OR51E2: variants seen among roughly 807,000 people sequenced by gnomAD.
OR51E2 encodes the protein olfactory receptor 51E2.
A neutral mutation model predicts 13.7 loss-of-function variants in OR51E2; 14 were observed. That is an observed-to-expected ratio of 1.02 (90% confidence interval 0.68 to 1.60). The LOEUF is 1.60. Among genes scored for constraint, OR51E2 ranks in the 40% most tolerant of loss-of-function variants. The pLI is 0.00. For missense variants in OR51E2, 483 were observed against 413.8 expected (o/e 1.17, Z -1.45); for synonymous variants, 180 against 157.6 (o/e 1.14, Z -1.07).
intron 1 of OR51E2, among the ~76,000 whole-genome samples, chr11:4,685,501 G>T (rs1314130026): frequency 1.3e-5 from 2 of 152,140 alleles, no homozygotes; most frequent in African/African-American, 4.8e-5. Context: ...CAAAAGTATA[G>T]TTCCATAATT....
intron 1 of OR51E2, chr11:4,691,567 G>T (rs1465883121): frequency 2.2e-6 from 1 of 456,984 alleles, no homozygotes; most frequent in African/African-American, 2.0e-5. Flanking sequence ...AAGAGGATCA[G>T]GCTGTTTCCC....
chr11:4,697,570 G>T (rs779715810), intron 1 of OR51E2, 83 bp downstream of exon 1: 2 of 152,636 alleles, frequency 1.3e-5, no homozygotes, highest in Admixed American at 1.3e-4. Flanking sequence ...TCTGCACATT[G>T]TGAGGAAATT....
intron 1 of OR51E2, among the ~76,000 whole-genome samples, chr11:4,689,035 G>C (rs1163712942): frequency 6.6e-6 from 1 of 152,260 alleles, no homozygotes; most frequent in South Asian, 2.1e-4. Context: ...GGATAAGTCT[G>C]AACTACAAAT....
chr11:4,688,327 G>A (rs986604050), intron 1 of OR51E2, among the ~76,000 whole-genome samples: 1 of 152,120 alleles, frequency 6.6e-6, no homozygotes, highest in Non-Finnish European at 1.5e-5. Flanking sequence ...AAAGTGAGGT[G>A]TAAGTCACGT....
intron 1 of OR51E2, among the ~76,000 whole-genome samples, chr11:4,687,779 A>G (rs1847532552): frequency 6.6e-6 from 1 of 152,200 alleles, no homozygotes; most frequent in African/African-American, 2.4e-5. Context: ...GAGAAGAACA[A>G]GGTGCTGTAG....
chr11:4,687,041 A>G (rs1847524931), intron 1 of OR51E2, among the ~76,000 whole-genome samples: 1 of 152,084 alleles, frequency 6.6e-6, no homozygotes, highest in Non-Finnish European at 1.5e-5. Flanking sequence ...GACTTTGAGT[A>G]TCTCCATCCT....
intron 1 of OR51E2, among the ~76,000 whole-genome samples, chr11:4,697,108 A>G (rs1847664528): frequency 6.6e-6 from 1 of 152,254 alleles, no homozygotes; most frequent in African/African-American, 2.4e-5. Context: ...TCTGGTAAAG[A>G]CACTGAGTAT....
chr11:4,696,641 T>A (rs573232987), intron 1 of OR51E2, among the ~76,000 whole-genome samples: 1 of 152,332 alleles, frequency 6.6e-6, no homozygotes, highest in South Asian at 2.1e-4. Context: ...GCTTCTCTTT[T>A]GTGCTGCCTT....
Position 4,681,965 on chromosome 11 carries a change from G to A in OR51E2, c.747C>T (p.Ala249=), listed in dbSNP as rs1454777712. 1 of 1,614,106 alleles carries A rather than the reference G, an allele frequency of 6.2e-7. No individual in the cohort carries two copies. The highest frequency in any genetic ancestry group is 1.6e-4 in the Middle Eastern group (1 of 6,062). Residue 249 remains alanine (A), a synonymous_variant, in exon 2 of 2, where the codon GCC becomes GCT. Coordinates refer to ENST00000396950, the MANE Select transcript of OR51E2 (RefSeq NM_030774.4). The stretch of plus-strand genomic sequence containing the variant: ...AGAGGCCAATAAGTGGCACATAGAA[G>A]GCGAGTACCACACCAATGTGTGACA... The part of the protein sequence containing the change: ...TCVSHIGVVL[A]FYVPLIGLSV...
chr11:4,689,000 T>A (rs1847547633), intron 1 of OR51E2, among the ~76,000 whole-genome samples: 1 of 152,156 alleles, frequency 6.6e-6, no homozygotes, highest in Admixed American at 6.5e-5. Context: ...AACATTCAAG[T>A]AGTGATATTG....
chr11:4,695,200 C>G (rs1018907172), intron 1 of OR51E2, among the ~76,000 whole-genome samples: 1 of 152,112 alleles, frequency 6.6e-6, no homozygotes, highest in Admixed American at 6.5e-5. Context: ...TTTTATTCAC[C>G]TTTTATTGAC....
intron 1 of OR51E2, among the ~76,000 whole-genome samples, chr11:4,689,070 G>C (rs1392161826): frequency 6.6e-6 from 1 of 152,200 alleles, no homozygotes; most frequent in East Asian, 1.9e-4. Flanking sequence ...TGTCAGCATA[G>C]AGATGGTACT....
At chr11:4,686,532 C>A (rs1223289739) in intron 1 of OR51E2, among the ~76,000 whole-genome samples, 1 of 152,152 alleles carries the variant, frequency 6.6e-6, no homozygotes, top group Non-Finnish European at 1.5e-5. Context: ...ATTCCAGAAG[C>A]TGTTGGGAGG....
chr11:4,691,143 A>G (rs1197564021), intron 1 of OR51E2: 2 of 456,608 alleles, frequency 4.4e-6, no homozygotes, highest in Admixed American at 4.7e-5. Flanking sequence ...TGAGAGCTTC[A>G]TCACATCAGG....
Position 4,694,063 on chromosome 11 carries a change from T to C in OR51E2, c.-51+3590A>G, listed in dbSNP as rs147854375. On this transcript the variant is annotated intron_variant, in intron 1 of 1. Coordinates refer to ENST00000396950, the MANE Select transcript of OR51E2 (RefSeq NM_030774.4). ...AATATCTGAGTTGTAATTTTTGTCATTGTGTTGTAGGACATTTTATGTAAC... is the reference window on the plus strand; with the variant it reads ...AATATCTGAGTTGTAATTTTTGTCACTGTGTTGTAGGACATTTTATGTAAC... Among the ~76,000 whole-genome samples, 899 of 152,346 alleles carry C rather than the reference T, an allele frequency of 5.9e-3. 4 individuals are homozygous for C. The highest frequency in any genetic ancestry group is 0.011 in the Admixed American group (169 of 15,308).
rs1256053005 is a variant in OR51E2, at chr11:4,687,272, A to C, written c.-50-4511T>G. Among the ~76,000 whole-genome samples the C allele has an allele frequency of 4.6e-5, 7 of 152,186 alleles. No individual in the cohort carries two copies. In the East Asian group the frequency reaches 1.3e-3, roughly 29 times the overall value. On this transcript the variant is annotated intron_variant, in intron 1 of 1. Coordinates refer to ENST00000396950, the MANE Select transcript of OR51E2 (RefSeq NM_030774.4). The stretch of plus-strand genomic sequence containing the variant: ...TTAGGGAATAGAAGGGGAAAGAAAT[A>C]TGTAGAAATAAACTGGCAGTTTATT...
rs1269002342 is a variant in OR51E2, at chr11:4,682,738, A to C, written c.-27T>G. On this transcript the variant is annotated 5_prime_UTR_variant, in exon 2 of 2. Transcript: ENST00000396950. ...GCTGGAACTGAGGAGGGGTGACTGG[A>C]GAGGGTGAGGTCACACTGGCAGTCT... The C allele has an allele frequency of 6.2e-7, 1 of 1,602,346 alleles. No homozygotes were observed. The highest frequency in any genetic ancestry group is 1.1e-5 in the South Asian group (1 of 88,744).
At position 4,682,370 on chromosome 11, in the gene OR51E2, C is replaced by A; in HGVS notation, c.342G>T (p.Leu114=). Residue 114 remains leucine, a synonymous_variant, in exon 2 of 2, where the codon CTG becomes CTT. Transcript: ENST00000396950. ...CATAACGGTCAAAGGCCATGGCCAG[C>A]AGGATGGTGGATTCAATGGCTGAGA... ...HALSAIESTI[L]LAMAFDRYVA... 6.2e-7 allele frequency: 1 copy of A among 1,614,144 alleles called. No homozygotes were observed. Among genetic ancestry groups the A allele is most frequent in the Non-Finnish European group, 8.5e-7 (1 of 1,180,030 alleles).
At chr11:4,693,134 T>C (rs1412230112) in intron 1 of OR51E2, among the ~76,000 whole-genome samples, 2 of 152,090 alleles carry the variant, frequency 1.3e-5, no homozygotes, top group African/African-American at 4.8e-5. Flanking sequence ...ATGATAAATA[T>C]TTGAGGTGAT....
Sources: gnomAD v4.1 joint callset for allele counts (sites outside exome capture counted in the v4.1 genomes callset) on GRCh38, gnomAD v4.1.1 for gene constraint, MANE v1.5 for transcripts, NCBI Gene and HGNC (gene_info 2026-07-23, HGNC 2026-07-21) for gene names.